The following CDK5RAP2 variants were observed in gnomAD, a reference collection of about 807,000 sequenced individuals.
The protein encoded by CDK5RAP2 is CDK5 regulatory subunit associated protein 2.
In CDK5RAP2, 147 loss-of-function variants were observed where a neutral mutation model predicts 232.9. The ratio of observed to expected loss-of-function variants is 0.63; its 90% CI spans 0.55 to 0.72. The LOEUF is 0.72. Among genes scored for constraint, CDK5RAP2 ranks in the 30% least tolerant of loss-of-function variants. CDK5RAP2 has a pLI of 0.00. For synonymous variants in CDK5RAP2, 833 were observed against 833.7 expected (o/e 1.00, Z 0.01); for missense variants, 2,195 against 2,231.5 (o/e 0.98, Z 0.33).
chr9:120,512,558 A>C (rs1022132254), intron 12 of CDK5RAP2, among the ~76,000 whole-genome samples: 1 of 152,226 alleles, frequency 6.6e-6, no homozygotes, highest in Non-Finnish European at 1.5e-5. Context: ...TGTTCTTGAG[A>C]ATGTATTATT....
Position 120,548,460 on chromosome 9 carries a change from C to A in CDK5RAP2, c.306+2332G>T, listed in dbSNP as rs149048764. Among the ~76,000 whole-genome samples the A allele has an allele frequency of 1.9e-3, 288 of 152,286 alleles. 2 individuals are homozygous for A. Among genetic ancestry groups the A allele is most frequent in the African/African-American group, 6.6e-3 (273 of 41,554 alleles). On this transcript the variant is annotated intron_variant, in intron 4 of 37. Coordinates refer to ENST00000349780, the MANE Select transcript of CDK5RAP2 (RefSeq NM_018249.6). Reference sequence around the variant, plus strand: ...AACTTATATACATAATTGTAATTTCCAAACCAAAAGTCAGGGCACCTTCAA... The same window carrying A: ...AACTTATATACATAATTGTAATTTCAAAACCAAAAGTCAGGGCACCTTCAA...
rs1291681721 is a variant in CDK5RAP2, at chr9:120,407,332, T to C, written c.4727-84A>G. On this transcript the variant is annotated intron_variant, in intron 31 of 37. Transcript: ENST00000349780. ...GAAGGAACTCAATCGCATTTTACAC[T>C]CACCACCACCATCGCCCTCCCCCTT... is the stretch of plus-strand genomic sequence containing the variant. The C allele has an allele frequency of 2.7e-5, 26 of 979,766 alleles. 1 individual carries two copies. The Admixed American group carries it at 4.4e-4, about 17-fold the overall frequency. 60.7% of individuals were successfully genotyped at this position (979,766 alleles called of 1,614,324 possible). A position where few individuals can be genotyped will look rare whatever the true frequency, so the allele number is the denominator to read the frequency against.
chr9:120,562,974 G>A (rs969250411), intron 3 of CDK5RAP2, among the ~76,000 whole-genome samples: 31 of 152,124 alleles, frequency 2.0e-4, no homozygotes, highest in African/African-American at 6.5e-4. Flanking sequence ...TAGGTTCAGC[G>A]TTGAGTACCA....
chr9:120,538,050 T>C (rs774041971), intron 6 of CDK5RAP2, among the ~76,000 whole-genome samples: 1 of 152,216 alleles, frequency 6.6e-6, no homozygotes, highest in Non-Finnish European at 1.5e-5. Flanking sequence ...ACATTTTCGC[T>C]AAAATTCAGA....
intron 27 of CDK5RAP2, among the ~76,000 whole-genome samples, chr9:120,418,579 A>G (rs1188787026): frequency 3.9e-5 from 6 of 152,340 alleles, no homozygotes; most frequent in African/African-American, 1.4e-4. Flanking sequence ...AGGGACAGGG[A>G]AACAATTCGT....
rs780945827 is a variant in CDK5RAP2 at position 120,453,615 on chromosome 9, C to G, written c.2634G>C (p.Thr878=). 6.2e-7 allele frequency: 1 copy of G among 1,614,206 alleles called. No homozygotes were observed. The highest frequency in any genetic ancestry group is 1.1e-5 in the South Asian group (1 of 91,084). ...GCTTGAATCTCAGCAGGTCGCCCTCCGTGGCCACAGTCTGCACTGAGGCAT... is the reference window on the plus strand; with the variant it reads ...GCTTGAATCTCAGCAGGTCGCCCTCGGTGGCCACAGTCTGCACTGAGGCAT... ...LKDASVQTVA[T]EGDLLRFKHE... is the part of the protein sequence containing the mutation. Residue 878 remains threonine (T), a synonymous_variant, in exon 21 of 38, where the codon ACG becomes ACC. Transcript: ENST00000349780.
In CDK5RAP2 at chr9:120,400,875, G is replaced by C. The variant is rs148857536; in HGVS notation, c.5318C>G (p.Pro1773Arg). The change falls in exon 35 of 38, where the codon CCA becomes CGA. Residue 1773 changes from proline to arginine, a missense_variant. By Grantham distance (103) the Pro-to-Arg change is moderately radical. Coordinates refer to ENST00000349780, the MANE Select transcript of CDK5RAP2 (RefSeq NM_018249.6). ...GCTCACAAACTTGCTCAGTGGTGCTGGGTGTGGACCCTACACGGGGGATAT... is the reference window on the plus strand; with the variant it reads ...GCTCACAAACTTGCTCAGTGGTGCTCGGTGTGGACCCTACACGGGGGATAT... ...SQELGTKGPH[P>R]APLSKFVSSV... 1.9e-6 allele frequency: 3 copies of C among 1,613,980 alleles called. No individual in the cohort carries two copies. In the African/African-American group the frequency reaches 4.0e-5, roughly 22 times the overall value.
intron 12 of CDK5RAP2, among the ~76,000 whole-genome samples, chr9:120,508,581 C>T (rs545391198): frequency 1.1e-4 from 16 of 152,330 alleles, no homozygotes; most frequent in African/African-American, 3.6e-4. Context: ...CAGTTGCCCC[C>T]TTCTCCAGCC....
At chr9:120,572,339 T>C (rs2042884474) in intron 1 of CDK5RAP2, among the ~76,000 whole-genome samples, 1 of 152,232 alleles carries the variant, frequency 6.6e-6, no homozygotes, top group Non-Finnish European at 1.5e-5. Context: ...AAGATACTTA[T>C]GTTTCTGAGT....
At position 120,415,174 on chromosome 9, in the gene CDK5RAP2, C is replaced by G. The variant is rs1199225931; in HGVS notation, c.4178-15G>C. On this transcript the variant is annotated splice_polypyrimidine_tract_variant and intron_variant, in intron 27 of 37. Coordinates refer to ENST00000349780, the MANE Select transcript of CDK5RAP2 (RefSeq NM_018249.6). Reference sequence around the variant, plus strand: ...CATTAGTAAGTCTACAGGAAGGAAGCCATTTTTAATTTAAAGTCTGAACCC... The same window carrying G: ...CATTAGTAAGTCTACAGGAAGGAAGGCATTTTTAATTTAAAGTCTGAACCC... 1 of 1,613,396 alleles carries G rather than the reference C, an allele frequency of 6.2e-7. No homozygotes were observed. The highest frequency in any genetic ancestry group is 1.3e-5 in the African/African-American group (1 of 74,912).
intron 3 of CDK5RAP2, among the ~76,000 whole-genome samples, chr9:120,557,659 T>C (rs950786780): frequency 2.6e-5 from 4 of 151,898 alleles, no homozygotes; most frequent in Non-Finnish European, 5.9e-5. Context: ...CTCGAGTGGC[T>C]GAGGCTGGAG....
chr9:120,535,820 C>G (rs1323805073), intron 7 of CDK5RAP2, among the ~76,000 whole-genome samples: 1 of 152,240 alleles, frequency 6.6e-6, no homozygotes, highest in Non-Finnish European at 1.5e-5. Context: ...TTGGTCTACA[C>G]TGTTTTATTT....
rs555577200 is a variant in CDK5RAP2 at position 120,394,911 on chromosome 9, G to A, written c.5452-273C>T. 1.4e-3 allele frequency among the ~76,000 whole-genome samples: 206 copies of A among 152,238 alleles called. 1 individual carries two copies. Among genetic ancestry groups the A allele is most frequent in the African/African-American group, 4.8e-3 (198 of 41,548 alleles). On this transcript the variant is annotated intron_variant, in intron 35 of 37. Transcript: ENST00000349780. The stretch of plus-strand genomic sequence containing the variant: ...GGCAAGATCTACCAAACTGAGATGC[G>A]CTTAACTCTTTGCCCCAGCAATTCT...
At chr9:120,409,418 C>A (rs2033707255) in intron 29 of CDK5RAP2, 102 bp from the exon 30 acceptor site, 25 of 881,330 alleles carry the variant, frequency 2.8e-5, no homozygotes, top group Admixed American at 8.6e-5. Context: ...GAATGAGATT[C>A]GATCTGGCAT....
chr9:120,393,618 A>G (rs1402219938), intron 36 of CDK5RAP2, among the ~76,000 whole-genome samples: 1 of 152,250 alleles, frequency 6.6e-6, no homozygotes, highest in Non-Finnish European at 1.5e-5. Flanking sequence ...CATGTTGCCA[A>G]CAGGCACTAA....
chr9:120,577,601 G>T (rs1251611371), intron 1 of CDK5RAP2, among the ~76,000 whole-genome samples: 2 of 152,212 alleles, frequency 1.3e-5, no homozygotes, highest in South Asian at 4.1e-4. Context: ...TCCTGCAAAG[G>T]CAGGGAGATG....
chr9:120,564,677 T>C (rs1390243789), intron 3 of CDK5RAP2, among the ~76,000 whole-genome samples: 2 of 152,150 alleles, frequency 1.3e-5, no homozygotes, highest in Non-Finnish European at 2.9e-5. Context: ...CAGCCAGTAA[T>C]AATGCCATCC....
At chr9:120,435,645 G>A (rs893350373) in intron 25 of CDK5RAP2, among the ~76,000 whole-genome samples, 3 of 152,082 alleles carry the variant, frequency 2.0e-5, no homozygotes, top group African/African-American at 7.2e-5. Flanking sequence ...AAGCAGTACA[G>A]GATGAGCATG....
At chr9:120,520,813 ATC>A (rs2040606737) in intron 11 of CDK5RAP2, among the ~76,000 whole-genome samples, 2 of 118,008 alleles carry the variant, frequency 1.7e-5, no homozygotes, top group Non-Finnish European at 3.7e-5. Context: ...CATGAGATAT[ATC>A]TCATATATAT....
Sources: allele counts gnomAD v4.1 joint callset (sites outside exome capture counted in the v4.1 genomes callset), GRCh38; gene constraint gnomAD v4.1.1; transcripts MANE v1.5; gene names NCBI Gene and HGNC (gene_info 2026-07-23, HGNC 2026-07-21).